The following RGL1 variants were observed in gnomAD, a reference collection of about 807,000 sequenced individuals.
The protein encoded by RGL1 is ral guanine nucleotide dissociation stimulator like 1, also known as ral guanine nucleotide dissociation stimulator-like 1.
RGL1 carries 24 observed loss-of-function variants against 95.2 expected under a neutral mutation model. The ratio of observed to expected loss-of-function variants is 0.25; its 90% CI spans 0.18 to 0.35. The LOEUF is 0.35. Ranked by LOEUF, RGL1 falls within the 10% of genes least tolerant of loss-of-function variation. The pLI, the probability that RGL1 is intolerant of heterozygous loss-of-function variation, is 1.00. For synonymous variants in RGL1, 329 were observed against 344.9 expected, an observed-to-expected ratio of 0.95 and a Z score of 0.51; for missense variants, 715 against 936.3, an observed-to-expected ratio of 0.76 and a Z score of 3.08.
chr1:183,751,079 G>A (rs2102281513), intron 2 of RGL1, among the ~76,000 whole-genome samples: 1 of 152,352 alleles, frequency 6.6e-6, no homozygotes, highest in African/African-American at 2.4e-5. Flanking sequence ...CCTTAGTGGA[G>A]CTTGAGCATT....
intron 1 of RGL1, among the ~76,000 whole-genome samples, chr1:183,697,188 C>G (rs767498234): frequency 6.6e-5 from 10 of 152,120 alleles, no homozygotes; most frequent in Non-Finnish European, 1.2e-4. Context: ...TGCTCCCGCC[C>G]CAAACCCCCA....
At chr1:183,841,128 C>T (rs1664032230) in intron 2 of RGL1, among the ~76,000 whole-genome samples, 1 of 152,172 alleles carries the variant, frequency 6.6e-6, no homozygotes, top group African/African-American at 2.4e-5. Context: ...TAGTACCTTG[C>T]ACAGTGCCTG....
At chr1:183,803,784 T>C (rs754330929), upstream of RGL1, among the ~76,000 whole-genome samples, 41 of 152,148 alleles carry the variant, frequency 2.7e-4, no homozygotes, top group Non-Finnish European at 4.0e-4. Flanking sequence ...TGGGCCTGGG[T>C]TCCTGAGGAT....
intron 2 of RGL1, among the ~76,000 whole-genome samples, chr1:183,839,579 G>T (rs968572559): frequency 2.0e-5 from 3 of 152,186 alleles, no homozygotes; most frequent in East Asian, 3.9e-4. Flanking sequence ...CACAACTTTC[G>T]TACTGGTTTT....
At chr1:183,759,727 A>G in intron 2 of RGL1, among the ~76,000 whole-genome samples, 1 of 152,220 alleles carries the variant, frequency 6.6e-6, no homozygotes, top group East Asian at 1.9e-4. Context: ...CCTTGTTGCC[A>G]GTCTCAAGAT....
chr1:183,909,772 G>GC, intron 14 of RGL1, among the ~76,000 whole-genome samples: 1 of 152,204 alleles, frequency 6.6e-6, no homozygotes, highest in African/African-American at 2.4e-5. Flanking sequence ...TTTAGGTTCA[G>GC]CCCACGTGCT....
chr1:183,708,873 C>G (rs1240856834), intron 1 of RGL1, among the ~76,000 whole-genome samples: 2 of 152,214 alleles, frequency 1.3e-5, no homozygotes, highest in Non-Finnish European at 2.9e-5. Context: ...ACAAGGGACG[C>G]GGACCGGGGC....
intron 2 of RGL1, among the ~76,000 whole-genome samples, chr1:183,760,445 A>T (rs919272594): frequency 1.3e-5 from 2 of 152,084 alleles, no homozygotes; most frequent in African/African-American, 4.8e-5. Context: ...TCAAAACCAA[A>T]GTCAGGCTGA....
intron 2 of RGL1, among the ~76,000 whole-genome samples, chr1:183,826,602 AGTGTATAG>A (rs1662880055): frequency 6.6e-6 from 1 of 152,218 alleles, no homozygotes; most frequent in African/African-American, 2.4e-5. Context: ...AAATAAGAAA[AGTGTATAG>A]GTATATAGAT....
intron 9 of RGL1, among the ~76,000 whole-genome samples, chr1:183,897,606 G>A (rs1481099137): frequency 1.3e-5 from 2 of 151,658 alleles, no homozygotes; most frequent in African/African-American, 2.4e-5. Flanking sequence ...CACCAGCCTC[G>A]TTATAAATAG....
chr1:183,832,487 TA>T (rs1321073593), intron 2 of RGL1, among the ~76,000 whole-genome samples: 3 of 152,150 alleles, frequency 2.0e-5, no homozygotes, highest in Non-Finnish European at 4.4e-5. Context: ...ACTCTAAGGA[TA>T]TATGTGTGGG....
intron 2 of RGL1, among the ~76,000 whole-genome samples, chr1:183,743,023 T>C (rs1254280207): frequency 6.6e-6 from 1 of 152,104 alleles, no homozygotes; most frequent in East Asian, 1.9e-4. Context: ...TGTTTTTGTT[T>C]TTTTTGGAGA....
intron 2 of RGL1, among the ~76,000 whole-genome samples, chr1:183,772,456 T>A (rs1659331560): frequency 2.0e-5 from 3 of 152,142 alleles, no homozygotes; most frequent in Admixed American, 2.0e-4. Context: ...GAGAAAGAAA[T>A]GACATTTTTT....
chr1:183,789,448 CAAAAAACAAAAAACA>C (rs927435652), intron 2 of RGL1, among the ~76,000 whole-genome samples: 38 of 151,662 alleles, frequency 2.5e-4, no homozygotes, highest in African/African-American at 7.7e-4. Context: ...AACTCTGTCT[CAAAAAACAAAAAACA>C]AAAAAACAAA....
rs149916871 is a variant in RGL1, at chr1:183,768,189, A to T, written c.132+25900A>T. On this transcript the variant is annotated intron_variant, in intron 2 of 18. Transcript: ENST00000304685. ...AACTACATATGACTTACACAGAACA[A>T]CAGAAGGACCATGCATGGACTTTCT... Among the ~76,000 whole-genome samples, 480 of 152,096 alleles carry T rather than the reference A, an allele frequency of 3.2e-3. 1 individual carries two copies. Among genetic ancestry groups the T allele is most frequent in the Non-Finnish European group, 4.7e-3 (319 of 67,994 alleles).
chr1:183,921,370 C>T (rs1340609612), intron 16 of RGL1, among the ~76,000 whole-genome samples: 3 of 152,200 alleles, frequency 2.0e-5, no homozygotes, highest in Non-Finnish European at 4.4e-5. Context: ...TTCCATCCTG[C>T]CTGCCAGATT....
At chr1:183,883,657 G>A in intron 5 of RGL1, 129 bp from the exon 6 acceptor site, 1 of 923,418 alleles carries the variant, frequency 1.1e-6, no homozygotes, top group South Asian at 1.6e-5. Context: ...TGTGCTTGTG[G>A]TTGTCTCCCT....
intron 2 of RGL1, among the ~76,000 whole-genome samples, chr1:183,819,795 T>A (rs1176334305): frequency 6.6e-6 from 1 of 152,012 alleles, no homozygotes. Flanking sequence ...TTTTTTTTTT[T>A]TTTTTAAGAG....
chr1:183,877,861 C>T (rs190599023), intron 4 of RGL1, among the ~76,000 whole-genome samples: 21 of 152,254 alleles, frequency 1.4e-4, no homozygotes, highest in Non-Finnish European at 2.8e-4. Context: ...CTAATGTGGA[C>T]GAAGGCTCCT....
Sources: gnomAD v4.1 joint callset for allele counts (sites outside exome capture counted in the v4.1 genomes callset) on GRCh38, gnomAD v4.1.1 for gene constraint, MANE v1.5 for transcripts, NCBI Gene and HGNC (gene_info 2026-07-23, HGNC 2026-07-21) for gene names.